EXOC4: variants seen among roughly 807,000 people sequenced by gnomAD.
The protein encoded by EXOC4 is exocyst complex component 4, also known as SEC8-like 1.
In EXOC4, 71 loss-of-function variants were observed where a neutral mutation model predicts 107.2. That is an observed-to-expected ratio of 0.66 (90% confidence interval 0.55 to 0.81). EXOC4 has a LOEUF of 0.81. Among genes scored for constraint, EXOC4 ranks in the 30% least tolerant of loss-of-function variants. The pLI is 0.00. For missense variants in EXOC4, 1,108 were observed against 1,189.6 expected, an observed-to-expected ratio of 0.93 and a Z score of 1.01; for synonymous variants, 456 against 441.2, an observed-to-expected ratio of 1.03 and a Z score of -0.42.
chr7:134,019,731 A>G (rs1418283060), intron 17 of EXOC4, among the ~76,000 whole-genome samples: 1 of 152,202 alleles, frequency 6.6e-6, no homozygotes, highest in Non-Finnish European at 1.5e-5. Flanking sequence ...ATTTTGGTCA[A>G]TGTTGGGTCT....
chr7:133,591,000 C>CCCTT (rs1801528696), intron 9 of EXOC4, among the ~76,000 whole-genome samples: 1 of 152,226 alleles, frequency 6.6e-6, no homozygotes. Context: ...CCTGCTGGTG[C>CCCTT]CCAAAGGCAC....
At chr7:133,946,442 C>G (rs1007218477) in intron 14 of EXOC4, among the ~76,000 whole-genome samples, 1 of 152,124 alleles carries the variant, frequency 6.6e-6, no homozygotes, top group Admixed American at 6.5e-5. Flanking sequence ...AAAATAATGT[C>G]CAAATATATT....
At chr7:133,996,985 A>G (rs1794406367) in intron 14 of EXOC4, among the ~76,000 whole-genome samples, 2 of 152,230 alleles carry the variant, frequency 1.3e-5, no homozygotes, top group Non-Finnish European at 2.9e-5. Flanking sequence ...ATTAGAGCCA[A>G]TGATTAGAAG....
chr7:133,594,491 G>GTT (rs1302445068), intron 9 of EXOC4, among the ~76,000 whole-genome samples: 3 of 23,670 alleles, frequency 1.3e-4, no homozygotes, highest in Non-Finnish European at 2.3e-4. Context: ...ATAAGCTTGA[G>GTT]TCTTTTTTTT....
chr7:134,006,720 C>T (rs1020561446), intron 16 of EXOC4, among the ~76,000 whole-genome samples: 2 of 152,160 alleles, frequency 1.3e-5, no homozygotes, highest in African/African-American at 4.8e-5. Flanking sequence ...GACCAGTTTA[C>T]AGTTCCAAGG....
At chr7:133,946,575 C>G (rs1800555307) in intron 14 of EXOC4, among the ~76,000 whole-genome samples, 1 of 152,190 alleles carries the variant, frequency 6.6e-6, no homozygotes, top group African/African-American at 2.4e-5. Flanking sequence ...TATTTACAAA[C>G]TCGTTGAAAC....
At chr7:133,521,216 A>G (rs1355186719) in intron 9 of EXOC4, among the ~76,000 whole-genome samples, 2 of 152,194 alleles carry the variant, frequency 1.3e-5, no homozygotes, top group African/African-American at 2.4e-5. Context: ...CACTAGTTGG[A>G]AATTGAAAAC....
chr7:133,872,062 A>G (rs1798761770), intron 11 of EXOC4, among the ~76,000 whole-genome samples: 2 of 152,186 alleles, frequency 1.3e-5, no homozygotes, highest in Non-Finnish European at 2.9e-5. Flanking sequence ...GGGTTGTATC[A>G]CAGCAATGGT....
At chr7:133,692,404 TC>T (rs1419389551) in intron 10 of EXOC4, among the ~76,000 whole-genome samples, 4 of 152,238 alleles carry the variant, frequency 2.6e-5, no homozygotes, top group Non-Finnish European at 4.4e-5. Flanking sequence ...TATTTGTGTC[TC>T]CCCTAACTGA....
intron 10 of EXOC4, among the ~76,000 whole-genome samples, chr7:133,750,926 G>A (rs550425448): frequency 1.8e-4 from 27 of 152,278 alleles, no homozygotes; most frequent in African/African-American, 6.0e-4. Context: ...CATTTTTGGA[G>A]AAGATAAAGT....
chr7:133,823,889 TATATTTTATATATATATATATAAA>T (rs1797623029), intron 11 of EXOC4, among the ~76,000 whole-genome samples: 2 of 22,412 alleles, frequency 8.9e-5, no homozygotes, highest in Non-Finnish European at 1.3e-4. Flanking sequence ...TATATATATA[TATATTTTATATATATATATATAAA>T]TATATATATA....
intron 10 of EXOC4, among the ~76,000 whole-genome samples, chr7:133,724,277 C>G (rs112841552): frequency 3.3e-5 from 5 of 152,246 alleles, no homozygotes; most frequent in African/African-American, 1.2e-4. Context: ...CAAAGGAGAC[C>G]TCAGTCAGAC....
In EXOC4 at chr7:134,037,588, A is replaced by G. The variant is rs540206178; in HGVS notation, c.2688-26703A>G. On this transcript the variant is annotated intron_variant, in intron 17 of 17. Coordinates refer to ENST00000253861, the MANE Select transcript of EXOC4 (RefSeq NM_021807.4). Reference sequence around the variant, plus strand: ...CTACCCAGGCCATGAGACCGGAGCAATGTTCCTGTAGCTTTGGTACCCGTG... The same window carrying G: ...CTACCCAGGCCATGAGACCGGAGCAGTGTTCCTGTAGCTTTGGTACCCGTG... Among the ~76,000 whole-genome samples, 5 of 152,272 alleles carry G rather than the reference A, an allele frequency of 3.3e-5. No individual in the cohort carries two copies. In the South Asian group the frequency reaches 1.0e-3, roughly 32 times the overall value.
chr7:133,804,932 G>A (rs116648080), intron 10 of EXOC4, among the ~76,000 whole-genome samples: 2,136 of 151,854 alleles, frequency 0.014, 53 homozygotes, highest in African/African-American at 0.048. Context: ...TCTGTATATT[G>A]TATCCGCTTT....
chr7:133,312,099 T>C (rs559473405), intron 4 of EXOC4, among the ~76,000 whole-genome samples: 3 of 152,150 alleles, frequency 2.0e-5, no homozygotes, highest in Non-Finnish European at 4.4e-5. Context: ...AAAATATATG[T>C]AACAAGATAT....
At chr7:133,641,190 G>C (rs1802846070) in intron 10 of EXOC4, among the ~76,000 whole-genome samples, 1 of 152,140 alleles carries the variant, frequency 6.6e-6, no homozygotes, top group Non-Finnish European at 1.5e-5. Context: ...GTTGTAGTGA[G>C]TTGGGAATTT....
intron 11 of EXOC4, among the ~76,000 whole-genome samples, chr7:133,863,958 C>T (rs764199134): frequency 6.6e-6 from 1 of 152,106 alleles, no homozygotes; most frequent in Non-Finnish European, 1.5e-5. Flanking sequence ...GTATTAGCAG[C>T]AGTAATAGGT....
At chr7:133,594,832 G>A (rs1482356752) in intron 9 of EXOC4, among the ~76,000 whole-genome samples, 1 of 152,018 alleles carries the variant, frequency 6.6e-6, no homozygotes, top group South Asian at 2.1e-4. Flanking sequence ...TCAAGAGCCT[G>A]CCGGAATAAA....
intron 9 of EXOC4, among the ~76,000 whole-genome samples, chr7:133,498,755 C>T (rs1015325765): frequency 2.6e-5 from 4 of 152,158 alleles, no homozygotes; most frequent in African/African-American, 9.7e-5. Flanking sequence ...TGTACTAGTA[C>T]TAAACCCCAT....
Sources: gnomAD v4.1 joint callset for allele counts (sites outside exome capture counted in the v4.1 genomes callset) on GRCh38, gnomAD v4.1.1 for gene constraint, MANE v1.5 for transcripts, NCBI Gene and HGNC (gene_info 2026-07-23, HGNC 2026-07-21) for gene names.